Variants in SSBP3 observed in about 807,000 individuals in gnomAD.
The protein encoded by SSBP3 is single stranded DNA binding protein 3.
In SSBP3, 5 loss-of-function variants were observed where a neutral mutation model predicts 69.6. That is an observed-to-expected ratio of 0.07 (90% CI 0.04 to 0.15). The LOEUF is 0.15. Among genes scored for constraint, SSBP3 ranks in the 10% least tolerant of loss-of-function variants. The pLI is 1.00. For synonymous variants in SSBP3, 196 were observed against 193.4 expected, an observed-to-expected ratio of 1.01 and a Z score of -0.11; for missense variants, 312 against 534.0, an observed-to-expected ratio of 0.58 and a Z score of 4.10.
intron 4 of SSBP3, among the ~76,000 whole-genome samples, chr1:54,312,439 T>A (rs924483319): frequency 6.8e-6 from 1 of 146,620 alleles, no homozygotes; most frequent in African/African-American, 2.7e-5. Flanking sequence ...AAAATATAAA[T>A]TAGCCGGGTG....
intron 3 of SSBP3, among the ~76,000 whole-genome samples, chr1:54,402,468 G>A (rs926299701): frequency 1.3e-5 from 2 of 152,062 alleles, no homozygotes; most frequent in Non-Finnish European, 2.9e-5. Context: ...CTGGCAATAG[G>A]AACTTTACAG....
chr1:54,233,713 TG>T (rs1380744964), intron 14 of SSBP3, among the ~76,000 whole-genome samples: 22 of 82,932 alleles, frequency 2.7e-4, no homozygotes, highest in African/African-American at 8.2e-4. Context: ...GGGAGGGAGG[TG>T]GGGGGGTCAG....
chr1:54,339,227 G>A (rs1451439663), intron 4 of SSBP3, among the ~76,000 whole-genome samples: 1 of 152,184 alleles, frequency 6.6e-6, no homozygotes, highest in Admixed American at 6.5e-5. Flanking sequence ...TATCCCATGG[G>A]TTACTAGGAA....
At chr1:54,288,682 A>G (rs1645537846) in intron 4 of SSBP3, among the ~76,000 whole-genome samples, 1 of 152,016 alleles carries the variant, frequency 6.6e-6, no homozygotes, top group Non-Finnish European at 1.5e-5. Context: ...GAGCTGTACT[A>G]TCTCAAGGTC....
At chr1:54,250,980 C>G (rs1487593879) in intron 9 of SSBP3, among the ~76,000 whole-genome samples, 3 of 152,190 alleles carry the variant, frequency 2.0e-5, no homozygotes, top group Admixed American at 2.0e-4. Flanking sequence ...CTTCCAATGG[C>G]TTATAAACTG....
At chr1:54,389,776 G>C (rs958092847) in intron 4 of SSBP3, among the ~76,000 whole-genome samples, 3 of 152,012 alleles carry the variant, frequency 2.0e-5, no homozygotes, top group East Asian at 1.9e-4. Context: ...ACTTGGGAAG[G>C]CTGAGCCAGG....
intron 4 of SSBP3, among the ~76,000 whole-genome samples, chr1:54,368,569 C>A (rs921937379): frequency 6.6e-6 from 1 of 152,110 alleles, no homozygotes; most frequent in African/African-American, 2.4e-5. Context: ...CAGATAAGGT[C>A]TTGCAATAAA....
intron 6 of SSBP3, 41 bp from the exon 7 acceptor site, chr1:54,257,227 C>T (rs773522459): frequency 6.5e-7 from 1 of 1,539,644 alleles, no homozygotes; most frequent in South Asian, 1.2e-5. Flanking sequence ...GCCTGCCCTA[C>T]TGCACAGTGA....
chr1:54,259,117 AC>A (rs1386711821), intron 5 of SSBP3, among the ~76,000 whole-genome samples: 1 of 148,280 alleles, frequency 6.7e-6, no homozygotes, highest in Non-Finnish European at 1.5e-5. Context: ...TTCCAAGCTG[AC>A]CCCCACCCCC....
chr1:54,285,851 A>G (rs942587220), intron 4 of SSBP3, among the ~76,000 whole-genome samples: 3 of 152,222 alleles, frequency 2.0e-5, no homozygotes, highest in Admixed American at 6.5e-5. Context: ...AGAACACTGG[A>G]TTCAGAAGCT....
chr1:54,238,248 G>T, intron 14 of SSBP3: 1 of 471,074 alleles, frequency 2.1e-6, no homozygotes, highest in Non-Finnish European at 4.4e-6. Context: ...CAGGAACGGA[G>T]CCAACAAAAC....
At chr1:54,267,451 C>T (rs970197473) in intron 5 of SSBP3, among the ~76,000 whole-genome samples, 1 of 152,196 alleles carries the variant, frequency 6.6e-6, no homozygotes, top group Admixed American at 6.5e-5. Context: ...GACCAGGGTG[C>T]AACACTTTAA....
intron 5 of SSBP3, among the ~76,000 whole-genome samples, chr1:54,259,703 C>A (rs530988055): frequency 6.6e-6 from 1 of 152,316 alleles, no homozygotes; most frequent in South Asian, 2.1e-4. Context: ...GGGCGTGGGC[C>A]CACAGAGAAG....
intron 4 of SSBP3, among the ~76,000 whole-genome samples, chr1:54,301,569 C>T (rs1041846809): frequency 4.6e-5 from 7 of 152,232 alleles, no homozygotes; most frequent in African/African-American, 1.4e-4. Context: ...CCCTCCCACG[C>T]GGGGACCCTC....
At chr1:54,406,170 C>G (rs1308516291) in exon 1 of SSBP3, 3 of 508,182 alleles carry the variant, frequency 5.9e-6, no homozygotes, top group Non-Finnish European at 6.6e-6. Context: ...CCCTCCCCCC[C>G]AGGCGCTGGC....
intron 4 of SSBP3, among the ~76,000 whole-genome samples, chr1:54,354,958 C>T (rs371271609): frequency 6.6e-6 from 1 of 152,182 alleles, no homozygotes; most frequent in Non-Finnish European, 1.5e-5. Context: ...TCATGAATGC[C>T]TCATGCCTTT....
chr1:54,248,555 G>C (rs4927075), intron 9 of SSBP3, among the ~76,000 whole-genome samples: 77 of 152,106 alleles, frequency 5.1e-4, no homozygotes, highest in Admixed American at 1.6e-3. Flanking sequence ...CATCCTCAGG[G>C]GAGAGACAGA....
rs1039908648 is a variant in SSBP3 at position 54,251,537 on chromosome 1, G to T, written c.651+79C>A. ...TGCGAACTGAGAGATGTGGGAGACT[G>T]ACAGAGCATGGAAACAGGAGAGAAG... is the stretch of plus-strand genomic sequence containing the variant. On this transcript the variant is annotated intron_variant, in intron 9 of 17. Coordinates refer to ENST00000610401, the Ensembl canonical transcript of SSBP3. 22 of 1,422,934 alleles carry T rather than the reference G, an allele frequency of 1.5e-5. No individual in the cohort carries two copies. The African/African-American group carries it at 3.1e-4, about 20-fold the overall frequency. The allele number at this position is 1,422,934 out of a possible 1,614,324, so 88.1% of individuals were successfully genotyped here.
At chr1:54,396,207 A>AC (rs1306959214) in intron 4 of SSBP3, among the ~76,000 whole-genome samples, 1 of 149,966 alleles carries the variant, frequency 6.7e-6, no homozygotes, top group African/African-American at 2.5e-5. Flanking sequence ...AAAAAAAAAA[A>AC]AAAAAAAAAA....
Sources: gnomAD v4.1 joint callset for allele counts (sites outside exome capture counted in the v4.1 genomes callset) on GRCh38, gnomAD v4.1.1 for gene constraint, MANE v1.5 for transcripts, NCBI Gene and HGNC (gene_info 2026-07-23, HGNC 2026-07-21) for gene names.